Variants in DCC observed in about 807,000 individuals in gnomAD.
The protein encoded by DCC is netrin receptor DCC.
Under a neutral mutation model 172.5 loss-of-function variants are expected in DCC, and 58 were observed. That is an observed-to-expected ratio of 0.34 (90% CI 0.27 to 0.42). The LOEUF (loss-of-function observed/expected upper bound fraction) is 0.42. Ranked by LOEUF, DCC falls within the 10% of genes least tolerant of loss-of-function variation. The pLI is 1.00. For missense variants in DCC, 1,740 were observed against 1,791.0 expected (o/e 0.97, Z 0.51); for synonymous variants, 709 against 644.5 (o/e 1.10, Z -1.52).
chr18:53,101,118 C>T (rs982056298), intron 7 of DCC, among the ~76,000 whole-genome samples: 4 of 152,000 alleles, frequency 2.6e-5, no homozygotes, highest in Non-Finnish European at 2.9e-5. Flanking sequence ...CATAACAAAT[C>T]GAATAGGAAA....
intron 2 of DCC, among the ~76,000 whole-genome samples, chr18:52,768,923 A>G (rs946869278): frequency 2.0e-5 from 3 of 152,222 alleles, no homozygotes; most frequent in Admixed American, 1.3e-4. Flanking sequence ...ATCTGTGGCC[A>G]TTTGATATCA....
At chr18:53,266,543 C>T (rs538565652) in intron 12 of DCC, among the ~76,000 whole-genome samples, 59 of 152,118 alleles carry the variant, frequency 3.9e-4, no homozygotes, top group African/African-American at 7.2e-5. Context: ...TTTAAAACAG[C>T]GTTGTTGAAG....
chr18:52,494,033 C>A (rs1479831303), intron 1 of DCC, among the ~76,000 whole-genome samples: 2 of 151,880 alleles, frequency 1.3e-5, no homozygotes, highest in African/African-American at 4.8e-5. Context: ...ATGACAAATT[C>A]TCTTGCTTTC....
intron 15 of DCC, among the ~76,000 whole-genome samples, chr18:53,357,864 G>A (rs2057894790): frequency 6.6e-6 from 1 of 152,090 alleles, no homozygotes; most frequent in South Asian, 2.1e-4. Flanking sequence ...CATATTGTGT[G>A]CTGTATAAGC....
At chr18:52,904,561 A>G (rs911028162) in intron 2 of DCC, among the ~76,000 whole-genome samples, 2 of 152,200 alleles carry the variant, frequency 1.3e-5, no homozygotes, top group Non-Finnish European at 2.9e-5. Flanking sequence ...AAATTAATAG[A>G]CCCAAATTAA....
chr18:52,437,154 T>C (rs1987822038), intron 1 of DCC, among the ~76,000 whole-genome samples: 1 of 152,142 alleles, frequency 6.6e-6, no homozygotes, highest in African/African-American at 2.4e-5. Flanking sequence ...ATTTTAAATA[T>C]TAGAAAGAAA....
intron 17 of DCC, among the ~76,000 whole-genome samples, chr18:53,396,792 A>C (rs1908972793): frequency 6.6e-6 from 1 of 152,216 alleles, no homozygotes; most frequent in Non-Finnish European, 1.5e-5. Flanking sequence ...AATATACAAC[A>C]TTAAAACTTA....
chr18:52,970,669 G>A lies in DCC; in HGVS notation c.985+45299G>A, dbSNP rs545809223. On this transcript the variant is annotated intron_variant, in intron 5 of 28. Transcript: ENST00000442544. ...TCCAGATAATGTGTGTGAATGAAAAGAAATTATAAATATAGCATGGGGTGG... is the reference window on the plus strand; with the variant it reads ...TCCAGATAATGTGTGTGAATGAAAAAAAATTATAAATATAGCATGGGGTGG... 3.4e-4 allele frequency among the ~76,000 whole-genome samples: 52 copies of A among 152,274 alleles called. No individual in the cohort carries two copies. In the South Asian group the frequency reaches 0.011, roughly 32 times the overall value.
At chr18:53,148,263 G>T (rs141168096) in intron 7 of DCC, among the ~76,000 whole-genome samples, 2 of 152,286 alleles carry the variant, frequency 1.3e-5, no homozygotes, top group Admixed American at 1.3e-4. Flanking sequence ...TTGCCTGCCA[G>T]CCTGGGACAA....
chr18:52,416,084 G>A (rs376224701), intron 1 of DCC, among the ~76,000 whole-genome samples: 16 of 151,758 alleles, frequency 1.1e-4, no homozygotes, highest in South Asian at 4.2e-4. Flanking sequence ...CTTTGTTCTC[G>A]TTGGTTTCAA....
chr18:52,479,147 T>A (rs1026240102), intron 1 of DCC, among the ~76,000 whole-genome samples: 1 of 152,184 alleles, frequency 6.6e-6, no homozygotes. Flanking sequence ...TGGAGAGATA[T>A]GTACAGTGCA....
At chr18:53,466,532 C>CTTTTTTTTT (rs1241526477) in intron 24 of DCC, among the ~76,000 whole-genome samples, 1 of 152,010 alleles carries the variant, frequency 6.6e-6, no homozygotes, top group African/African-American at 2.4e-5. Context: ...TTCATTTTTA[C>CTTTTTTTTT]TTTTATTTTT....
chr18:53,510,031 T>C (rs2046231333), intron 27 of DCC, among the ~76,000 whole-genome samples: 1 of 152,188 alleles, frequency 6.6e-6, no homozygotes, highest in African/African-American at 2.4e-5. Flanking sequence ...CAATCTCTTA[T>C]TTTTATTGCC....
intron 5 of DCC, among the ~76,000 whole-genome samples, chr18:52,969,362 A>T (rs1478090765): frequency 6.6e-6 from 1 of 152,122 alleles, no homozygotes; most frequent in East Asian, 1.9e-4. Context: ...ATATTAGCAA[A>T]TAACACTACC....
chr18:52,559,250 T>C (rs934733570), intron 1 of DCC, among the ~76,000 whole-genome samples: 17 of 152,170 alleles, frequency 1.1e-4, no homozygotes, highest in African/African-American at 1.7e-4. Context: ...TAGCTGGGAC[T>C]ACAGACATGT....
At chr18:53,103,263 C>T (rs1331530490) in intron 7 of DCC, among the ~76,000 whole-genome samples, 1 of 152,040 alleles carries the variant, frequency 6.6e-6, no homozygotes, top group Non-Finnish European at 1.5e-5. Flanking sequence ...AGGGTACATA[C>T]TCTGTGCAGT....
At chr18:53,263,153 G>T (rs1269468056) in intron 12 of DCC, among the ~76,000 whole-genome samples, 1 of 152,034 alleles carries the variant, frequency 6.6e-6, no homozygotes, top group Admixed American at 6.6e-5. Flanking sequence ...ATTTTGTTTT[G>T]TTTTATTTTA....
In DCC at chr18:53,148,865, C is replaced by CTTTTTTTTTTTTTTTTTTTTTTTT. The variant is rs5824990; in HGVS notation, c.1262-8474_1262-8473insTTTTTTTTTTTTTTTTTTTTTTTT. Among the ~76,000 whole-genome samples the CTTTTTTTTTTTTTTTTTTTTTTTT allele has an allele frequency of 2.1e-3, 230 of 109,756 alleles. 15 individuals carry two copies. The highest frequency in any genetic ancestry group is 7.4e-3 in the African/African-American group (198 of 26,692). The allele number at this position is 109,756 out of a possible 152,430, so 72.0% of individuals were successfully genotyped here. ...AAACTAGCTCAGAACTTCCCAATGC[C>CTTTTTTTTTTTTTTTTTTTTTTTT]TTTTTTTTTTTTTTTTTGGACAAAG... is the stretch of plus-strand genomic sequence containing the variant. On this transcript the variant is annotated intron_variant, in intron 7 of 28. Transcript: ENST00000442544.
At chr18:53,074,724 G>A (rs553907463) in intron 7 of DCC, among the ~76,000 whole-genome samples, 1 of 152,218 alleles carries the variant, frequency 6.6e-6, no homozygotes, top group Non-Finnish European at 1.5e-5. Context: ...GCATAAAGCA[G>A]TCATTTGATC....
Sources: gnomAD v4.1 joint callset for allele counts (sites outside exome capture counted in the v4.1 genomes callset) on GRCh38, gnomAD v4.1.1 for gene constraint, MANE v1.5 for transcripts, NCBI Gene and HGNC (gene_info 2026-07-23, HGNC 2026-07-21) for gene names.